The following CCM2 variants were observed in gnomAD, a reference collection of about 807,000 sequenced individuals.
CCM2 encodes the protein cerebral cavernous malformations 2 protein.
Under a neutral mutation model 44.9 loss-of-function variants are expected in CCM2, and 25 were observed. The observed-to-expected ratio is 0.56, with a 90% CI of 0.41 to 0.78. The LOEUF is 0.78. Among genes scored for constraint, CCM2 ranks in the 30% least tolerant of loss-of-function variants. The pLI is 0.00. For missense variants in CCM2, 481 were observed against 580.6 expected, an observed-to-expected ratio of 0.83 and a Z score of 1.76; for synonymous variants, 219 against 241.1, an observed-to-expected ratio of 0.91 and a Z score of 0.85.
chr7:45,048,173 T>A (rs1291941601), intron 2 of CCM2, among the ~76,000 whole-genome samples: 1 of 152,206 alleles, frequency 6.6e-6, no homozygotes, highest in East Asian at 1.9e-4. Flanking sequence ...CTCTTGGAAG[T>A]GGTTTGTGGA....
chr7:45,024,437 T>C (rs1440740022), intron 1 of CCM2, among the ~76,000 whole-genome samples: 2 of 134,800 alleles, frequency 1.5e-5, no homozygotes, highest in African/African-American at 6.0e-5. Flanking sequence ...TTTGTTTGCT[T>C]GCTGAACACT....
At chr7:45,067,174 C>G (rs1024517932) in intron 4 of CCM2, among the ~76,000 whole-genome samples, 2 of 150,990 alleles carry the variant, frequency 1.3e-5, no homozygotes, top group Admixed American at 6.6e-5. Flanking sequence ...GCTGGGATTA[C>G]AGGCATGAGC....
intron 2 of CCM2, among the ~76,000 whole-genome samples, chr7:45,042,361 G>C (rs1443607650): frequency 6.6e-6 from 1 of 152,010 alleles, no homozygotes; most frequent in African/African-American, 2.4e-5. Flanking sequence ...GGAGAAAGAG[G>C]GAAGGGCTGA....
At chr7:45,001,576 G>A (rs965060440) in intron 1 of CCM2, among the ~76,000 whole-genome samples, 2 of 152,236 alleles carry the variant, frequency 1.3e-5, no homozygotes, top group African/African-American at 4.8e-5. Flanking sequence ...CGGAAAGTGA[G>A]CCATGTGCTC....
At chr7:45,047,130 G>GT (rs1265560947) in intron 2 of CCM2, among the ~76,000 whole-genome samples, 3 of 152,130 alleles carry the variant, frequency 2.0e-5, no homozygotes, top group African/African-American at 7.2e-5. Flanking sequence ...ATGTAAAATG[G>GT]TACCGCCACT....
intron 1 of CCM2, among the ~76,000 whole-genome samples, chr7:45,005,552 CTT>C (rs61664138): frequency 0.87 from 131,837 of 152,150 alleles, 57,425 homozygotes; most frequent in African/African-American, 0.96. Context: ...CTTGTTGTCA[CTT>C]TGCAGTGTAA....
chr7:45,070,560 C>A, intron 6 of CCM2: 1 of 403,500 alleles, frequency 2.5e-6, no homozygotes, highest in Non-Finnish European at 5.1e-6. Flanking sequence ...ACTTCATCAG[C>A]AAGCTCACTT....
At chr7:45,021,387 A>T (rs979327090) in intron 1 of CCM2, among the ~76,000 whole-genome samples, 4 of 151,392 alleles carry the variant, frequency 2.6e-5, no homozygotes, top group Admixed American at 2.0e-4. Flanking sequence ...ACATGGTAAA[A>T]CCCCCGACTC....
chr7:45,030,432 T>A (rs2128723716), intron 1 of CCM2, among the ~76,000 whole-genome samples: 1 of 152,338 alleles, frequency 6.6e-6, no homozygotes, highest in South Asian at 2.1e-4. Context: ...GCTAAACCAT[T>A]TAATTATTTC....
chr7:45,070,516 A>G (rs1440986072), intron 6 of CCM2: 1 of 452,006 alleles, frequency 2.2e-6, no homozygotes, highest in African/African-American at 2.0e-5. Context: ...TGGCCCACAC[A>G]GCATTTTCAG....
At chr7:45,033,003 G>T (rs1797037867) in intron 1 of CCM2, among the ~76,000 whole-genome samples, 2 of 122,070 alleles carry the variant, frequency 1.6e-5, no homozygotes, top group African/African-American at 6.4e-5. Context: ...TTATGCCATT[G>T]CACTCCATCC....
chr7:45,071,291 T>G (rs1447978969), intron 6 of CCM2: 1 of 152,566 alleles, frequency 6.6e-6, no homozygotes, highest in East Asian at 1.9e-4. Flanking sequence ...CTTTTTTTCT[T>G]TAATAATTTT....
chr7:45,027,206 C>A, intron 1 of CCM2: 1 of 254,952 alleles, frequency 3.9e-6, no homozygotes. Context: ...TGCCTTTGAG[C>A]AAGCACTGCA....
intron 1 of CCM2, among the ~76,000 whole-genome samples, chr7:45,014,804 T>C (rs1796200580): frequency 6.6e-6 from 1 of 151,296 alleles, no homozygotes; most frequent in South Asian, 2.1e-4. Flanking sequence ...GAATTTTTAT[T>C]AGAGACGGGG....
In CCM2 at chr7:45,008,562, A is replaced by G. The variant is rs527351947; in HGVS notation, c.30+8199A>G. On this transcript the variant is annotated intron_variant, in intron 1 of 9. Transcript: ENST00000258781. ...TTTTTAGTAGAGACGGGGTTTCTCCATGTGGGTCAGACTGGTCTCAAACTC... is the reference window on the plus strand; with the variant it reads ...TTTTTAGTAGAGACGGGGTTTCTCCGTGTGGGTCAGACTGGTCTCAAACTC... Among the ~76,000 whole-genome samples, 8 of 151,558 alleles carry G rather than the reference A, an allele frequency of 5.3e-5. No homozygotes were observed. The East Asian group carries it at 1.6e-3, about 30-fold the overall frequency.
intron 5 of CCM2, among the ~76,000 whole-genome samples, chr7:45,069,279 C>T (rs6943576): frequency 0.38 from 58,284 of 152,160 alleles, 11,160 homozygotes; most frequent in Admixed American, 0.44. Context: ...GCCCTGTGCA[C>T]TGTAGGGTGT....
chr7:45,000,064 T>G (rs1036941999), upstream of CCM2: 1 of 171,238 alleles, frequency 5.8e-6, no homozygotes, highest in African/African-American at 2.5e-5. Context: ...GTCTGATCGC[T>G]GCGGGTCGGA....
At chr7:45,016,714 C>A (rs1198039699) in intron 1 of CCM2, among the ~76,000 whole-genome samples, 1 of 151,466 alleles carries the variant, frequency 6.6e-6, no homozygotes, top group Non-Finnish European at 1.5e-5. Flanking sequence ...CTCACTGCAA[C>A]CTCCGCCTCC....
chr7:45,044,988 C>T (rs1797683944), intron 2 of CCM2, among the ~76,000 whole-genome samples: 2 of 152,194 alleles, frequency 1.3e-5, no homozygotes, highest in African/African-American at 4.8e-5. Flanking sequence ...TAGTGCTGTT[C>T]TGAAGGTATA....
Sources: allele counts gnomAD v4.1 joint callset (sites outside exome capture counted in the v4.1 genomes callset), GRCh38; gene constraint gnomAD v4.1.1; transcripts MANE v1.5; gene names NCBI Gene and HGNC (gene_info 2026-07-23, HGNC 2026-07-21).